RBFOX1: variants seen among roughly 807,000 people sequenced by gnomAD.
RBFOX1 encodes RNA binding fox-1 homolog 1.
Under a neutral mutation model 57.7 loss-of-function variants are expected in RBFOX1, and 8 were observed. That is an observed-to-expected ratio of 0.14 (90% CI 0.08 to 0.25). RBFOX1 has a LOEUF of 0.25. RBFOX1 is among the 10% of genes least tolerant of loss of function. The probability of loss-of-function intolerance (pLI) is 1.00; values close to 1 mark genes in which losing one functional copy is unlikely to be tolerated. For synonymous variants in RBFOX1, 326 were observed against 222.4 expected (o/e 1.47, Z -4.15); for missense variants, 611 against 548.5 (o/e 1.11, Z -1.14).
chr16:7,480,914 G>C (rs938533708), intron 4 of RBFOX1, among the ~76,000 whole-genome samples: 1 of 152,180 alleles, frequency 6.6e-6, no homozygotes, highest in East Asian at 1.9e-4. Flanking sequence ...TGGGAGGGAG[G>C]GGCAGGGGTA....
At chr16:6,794,163 C>T (rs1457527852) in intron 3 of RBFOX1, among the ~76,000 whole-genome samples, 3 of 152,022 alleles carry the variant, frequency 2.0e-5, no homozygotes, top group African/African-American at 7.3e-5. Context: ...TCCCTAAGTT[C>T]TTCCCATCAC....
At chr16:6,726,789 C>G (rs1002836266) in intron 3 of RBFOX1, among the ~76,000 whole-genome samples, 11 of 151,962 alleles carry the variant, frequency 7.2e-5, no homozygotes, top group African/African-American at 2.7e-4. Flanking sequence ...TTGCTATGTT[C>G]CCTACCAGGG....
chr16:7,177,275 C>T (rs182897004), intron 4 of RBFOX1, among the ~76,000 whole-genome samples: 47 of 152,196 alleles, frequency 3.1e-4, no homozygotes, highest in Middle Eastern at 6.8e-3. Flanking sequence ...AGACCAAGTT[C>T]AAAAGTGTCA....
At chr16:7,207,811 G>C (rs11859646) in intron 4 of RBFOX1, among the ~76,000 whole-genome samples, 1 of 152,088 alleles carries the variant, frequency 6.6e-6, no homozygotes, top group Admixed American at 6.5e-5. Context: ...GCAATAGAAC[G>C]AGCAGGCCAC....
At chr16:6,947,767 A>G (rs1446247916) in intron 3 of RBFOX1, among the ~76,000 whole-genome samples, 3 of 151,924 alleles carry the variant, frequency 2.0e-5, no homozygotes, top group African/African-American at 7.3e-5. Context: ...ATCTGATTAC[A>G]TTTTCTCTTG....
At chr16:7,213,734 A>G (rs1197824489) in intron 4 of RBFOX1, among the ~76,000 whole-genome samples, 1 of 152,192 alleles carries the variant, frequency 6.6e-6, no homozygotes, top group East Asian at 1.9e-4. Context: ...GCTAGGGAAT[A>G]TGCTTGATAT....
chr16:5,697,141 G>A (rs1182886909), intron 3 of RBFOX1, among the ~76,000 whole-genome samples: 1 of 151,990 alleles, frequency 6.6e-6, no homozygotes, highest in Non-Finnish European at 1.5e-5. Flanking sequence ...TTTATTTCTG[G>A]ATATAATATT....
At chr16:5,324,111 TG>T (rs968749680) in intron 1 of RBFOX1, among the ~76,000 whole-genome samples, 1 of 152,134 alleles carries the variant, frequency 6.6e-6, no homozygotes, top group Non-Finnish European at 1.5e-5. Context: ...CTCCTAGTGT[TG>T]GGGGAGGGGG....
At chr16:7,022,105 C>T (rs1210991723) in intron 3 of RBFOX1, among the ~76,000 whole-genome samples, 2 of 135,214 alleles carry the variant, frequency 1.5e-5, no homozygotes, top group East Asian at 2.2e-4. Context: ...CTGTGTCACC[C>T]AGATTGGAGT....
At chr16:6,823,916 G>A (rs182736786) in intron 3 of RBFOX1, among the ~76,000 whole-genome samples, 51 of 152,238 alleles carry the variant, frequency 3.4e-4, no homozygotes, top group Middle Eastern at 3.4e-3. Context: ...GGAGTTACAC[G>A]TAAGAAATCA....
intron 2 of RBFOX1, among the ~76,000 whole-genome samples, chr16:6,641,188 G>C (rs939142136): frequency 6.6e-6 from 1 of 152,086 alleles, no homozygotes; most frequent in African/African-American, 2.4e-5. Flanking sequence ...TTTGCAAACT[G>C]CATCTTGGCT....
At chr16:5,894,269 T>C (rs1418629643) in intron 4 of RBFOX1, among the ~76,000 whole-genome samples, 1 of 152,224 alleles carries the variant, frequency 6.6e-6, no homozygotes, top group African/African-American at 2.4e-5. Flanking sequence ...ATTAAAACAA[T>C]TCAAAACATT....
intron 1 of RBFOX1, among the ~76,000 whole-genome samples, chr16:6,203,965 A>G: frequency 6.8e-6 from 1 of 147,356 alleles, no homozygotes; most frequent in East Asian, 2.0e-4. Flanking sequence ...TGGCTCTGCC[A>G]GTTCTGTTTT....
chr16:5,844,987 A>ATAT (rs1234020328), intron 3 of RBFOX1, among the ~76,000 whole-genome samples: 1 of 152,066 alleles, frequency 6.6e-6, no homozygotes, highest in Non-Finnish European at 1.5e-5. Flanking sequence ...AACACAAGGT[A>ATAT]TATTAGCCCA....
intron 14 of RBFOX1, among the ~76,000 whole-genome samples, chr16:7,703,614 C>G (rs912449233): frequency 3.3e-5 from 5 of 152,156 alleles, no homozygotes; most frequent in African/African-American, 1.2e-4. Context: ...TGTGGAGTAC[C>G]AACATGGGCC....
chr16:5,699,925 C>T (rs954861117), intron 3 of RBFOX1, among the ~76,000 whole-genome samples: 7 of 152,118 alleles, frequency 4.6e-5, no homozygotes, highest in Non-Finnish European at 8.8e-5. Flanking sequence ...GTTCTGCCTC[C>T]CGGGTTCACG....
intron 4 of RBFOX1, among the ~76,000 whole-genome samples, chr16:7,235,132 G>C (rs1008108596): frequency 3.9e-5 from 6 of 152,180 alleles, no homozygotes; most frequent in Non-Finnish European, 8.8e-5. Flanking sequence ...CTACACATCG[G>C]TAGTAGTCAC....
intron 4 of RBFOX1, among the ~76,000 whole-genome samples, chr16:5,872,672 G>T (rs560378560): frequency 1.9e-3 from 282 of 152,102 alleles, no homozygotes; most frequent in African/African-American, 6.7e-3. Flanking sequence ...GGAGGTTGAG[G>T]TTGCAGTGAG....
intron 4 of RBFOX1, among the ~76,000 whole-genome samples, chr16:5,919,504 G>T (rs746488001): frequency 6.6e-6 from 1 of 151,492 alleles, no homozygotes; most frequent in Admixed American, 6.6e-5. Context: ...TGCCAGGCCC[G>T]GCTAATTTTT....
Sources: gnomAD v4.1 joint callset for allele counts (sites outside exome capture counted in the v4.1 genomes callset) on GRCh38, gnomAD v4.1.1 for gene constraint, MANE v1.5 for transcripts, NCBI Gene and HGNC (gene_info 2026-07-23, HGNC 2026-07-21) for gene names.